Variants in GUCY1A1 observed in about 807,000 individuals in gnomAD.
The protein encoded by GUCY1A1 is guanylate cyclase 1 soluble subunit alpha 1, also known as guanylate cyclase soluble subunit alpha-1.
Under a neutral mutation model 64.5 loss-of-function variants are expected in GUCY1A1, and 48 were observed. The observed-to-expected ratio is 0.74, with a 90% CI of 0.59 to 0.95. The LOEUF is 0.95. Ranked by LOEUF, GUCY1A1 falls within the 40% of genes least tolerant of loss-of-function variation. The pLI is 0.00. For synonymous variants in GUCY1A1, 308 were observed against 303.4 expected, an observed-to-expected ratio of 1.02 and a Z score of -0.16; for missense variants, 804 against 825.3, an observed-to-expected ratio of 0.97 and a Z score of 0.32.
At chr4:155,689,789 G>A (rs969309626) in intron 2 of GUCY1A1, among the ~76,000 whole-genome samples, 5 of 152,212 alleles carry the variant, frequency 3.3e-5, no homozygotes, top group African/African-American at 1.2e-4. Context: ...CACCCGGCGA[G>A]TCGGGGGGCA....
intron 8 of GUCY1A1, among the ~76,000 whole-genome samples, chr4:155,719,987 A>G (rs1321253782): frequency 6.6e-6 from 1 of 152,158 alleles, no homozygotes; most frequent in African/African-American, 2.4e-5. Context: ...TGTGTGTCTT[A>G]AACACGTTGT....
chr4:155,729,920 C>T (rs1735326632), intron 9 of GUCY1A1, 110 bp from the exon 10 acceptor site: 1 of 669,366 alleles, frequency 1.5e-6, no homozygotes, highest in African/African-American at 1.8e-5. Flanking sequence ...GTCACTCACA[C>T]CTAAAATCAC....
Position 155,713,131 on chromosome 4 carries a change from G to A in GUCY1A1, c.1120G>A (p.Val374Ile), listed in dbSNP as rs753636564. The change falls in exon 7 of 10, where the codon GTT (valine) becomes ATT (isoleucine). Residue 374 changes from valine to isoleucine, a missense_variant. Coordinates refer to ENST00000506455, the MANE Select transcript of GUCY1A1 (RefSeq NM_001130682.3). ...MDLKGQMIYI[V>I]ESSAILFLGS... The stretch of plus-strand genomic sequence containing the variant: ...CCTCAAAGGCCAAATGATCTACATT[G>A]TTGAATCCAGTGCAATCTTGTTTTT... 3.1e-6 allele frequency: 5 copies of A among 1,613,442 alleles called. 1 individual carries two copies. The South Asian group carries it at 5.5e-5, about 18-fold the overall frequency.
chr4:155,680,460 A>ATGTGTGTGTG (rs59517530), intron 2 of GUCY1A1, among the ~76,000 whole-genome samples: 17 of 149,632 alleles, frequency 1.1e-4, no homozygotes, highest in Non-Finnish European at 1.5e-4. Flanking sequence ...TTTTAAGTAT[A>ATGTGTGTGTG]TGTGTGTGTG....
At chr4:155,706,210 C>T (rs1238120628) in intron 4 of GUCY1A1, among the ~76,000 whole-genome samples, 2 of 152,118 alleles carry the variant, frequency 1.3e-5, no homozygotes, top group Admixed American at 6.5e-5. Flanking sequence ...TCTGATTATA[C>T]TTTTAAATTT....
intron 2 of GUCY1A1, among the ~76,000 whole-genome samples, chr4:155,670,895 TA>T (rs371372766): frequency 9.2e-5 from 14 of 152,306 alleles, no homozygotes; most frequent in East Asian, 1.9e-4. Context: ...AACACCTTCT[TA>T]GGGGGGAAGC....
chr4:155,716,549 G>A (rs17033392), intron 7 of GUCY1A1, among the ~76,000 whole-genome samples: 2,248 of 152,112 alleles, frequency 0.015, 61 homozygotes, highest in African/African-American at 0.051. Flanking sequence ...AAACACCACC[G>A]TTGTTTTTAC....
intron 2 of GUCY1A1, among the ~76,000 whole-genome samples, chr4:155,679,826 T>A (rs4691843): frequency 0.5 from 76,807 of 152,122 alleles, 20,629 homozygotes; most frequent in East Asian, 0.83. Flanking sequence ...GCATTTTTAT[T>A]AAAAAACAAA....
At chr4:155,680,982 C>T (rs1471984371) in intron 2 of GUCY1A1, among the ~76,000 whole-genome samples, 7 of 151,710 alleles carry the variant, frequency 4.6e-5, no homozygotes, top group Admixed American at 1.3e-4. Context: ...CACACACACA[C>T]GTGCACATAA....
intron 2 of GUCY1A1, among the ~76,000 whole-genome samples, chr4:155,670,441 GCTT>G (rs1376803929): frequency 6.6e-6 from 1 of 152,066 alleles, no homozygotes; most frequent in Admixed American, 6.5e-5. Context: ...AATCATATCT[GCTT>G]CTTTTATTTT....
At chr4:155,686,342 G>A (rs575139850) in intron 2 of GUCY1A1, among the ~76,000 whole-genome samples, 2 of 152,098 alleles carry the variant, frequency 1.3e-5, no homozygotes, top group African/African-American at 2.4e-5. Flanking sequence ...TTAGCCGGGC[G>A]TGGTGGCGTG....
At chr4:155,686,356 C>T (rs1729003172) in intron 2 of GUCY1A1, among the ~76,000 whole-genome samples, 1 of 152,106 alleles carries the variant, frequency 6.6e-6, no homozygotes, top group Non-Finnish European at 1.5e-5. Context: ...TGGCGTGCGC[C>T]TGTTGTCCCA....
chr4:155,678,914 A>T (rs908919848), intron 2 of GUCY1A1, among the ~76,000 whole-genome samples: 3 of 152,220 alleles, frequency 2.0e-5, no homozygotes, highest in African/African-American at 4.8e-5. Context: ...AATATTGAGC[A>T]TATGAAGAAA....
intron 2 of GUCY1A1, among the ~76,000 whole-genome samples, chr4:155,682,083 A>T (rs1341894614): frequency 6.6e-6 from 1 of 151,976 alleles, no homozygotes; most frequent in Non-Finnish European, 1.5e-5. Flanking sequence ...CTTTAATTTT[A>T]TAATATCTCT....
chr4:155,710,319 T>A (rs530311687), intron 5 of GUCY1A1, among the ~76,000 whole-genome samples: 1 of 152,350 alleles, frequency 6.6e-6, no homozygotes, highest in South Asian at 2.1e-4. Flanking sequence ...CGGTCATTCT[T>A]TTTTAATGAA....
At chr4:155,668,213 T>A (rs560567038) in intron 2 of GUCY1A1, 1 of 152,500 alleles carries the variant, frequency 6.6e-6, no homozygotes, top group East Asian at 1.9e-4. Flanking sequence ...AATGTGGTCA[T>A]GTGATTTCAG....
At position 155,730,717 on chromosome 4, in the gene GUCY1A1, T is replaced by C. The variant is rs13108289; in HGVS notation, c.*486T>C. 0.038 allele frequency: 5,777 copies of C among 153,852 alleles called. 139 individuals are homozygous for C. The highest frequency in any genetic ancestry group is 0.075 in the Middle Eastern group (22 of 294). The allele number at this position is 153,852 out of a possible 1,614,324, so 9.5% of individuals were successfully genotyped here. On this transcript the variant is annotated 3_prime_UTR_variant, in exon 10 of 10. Transcript: ENST00000506455. ...ATTTTATTGCATTTTCTCATTTAAC[T>C]GTTAGTATATGTTTGAATATAGGCT...
At chr4:155,688,371 C>T (rs1344193728) in intron 2 of GUCY1A1, among the ~76,000 whole-genome samples, 2 of 152,084 alleles carry the variant, frequency 1.3e-5, no homozygotes, top group Admixed American at 6.5e-5. Flanking sequence ...TACTTCCAGG[C>T]CTTCCTGCCT....
chr4:155,700,989 G>T (rs1400373403), intron 3 of GUCY1A1, among the ~76,000 whole-genome samples: 3 of 152,258 alleles, frequency 2.0e-5, no homozygotes, highest in East Asian at 1.9e-4. Context: ...AGGCCCTGAG[G>T]TTGGCTGTGT....
Sources: gnomAD v4.1 joint callset for allele counts (sites outside exome capture counted in the v4.1 genomes callset) on GRCh38, gnomAD v4.1.1 for gene constraint, MANE v1.5 for transcripts, NCBI Gene and HGNC (gene_info 2026-07-23, HGNC 2026-07-21) for gene names.